Variants in RAD51B observed in about 807,000 individuals in gnomAD.
RAD51B encodes RAD51 paralog B.
Under a neutral mutation model 42.2 loss-of-function variants are expected in RAD51B, and 38 were observed. The observed-to-expected ratio is 0.90, with a 90% CI of 0.70 to 1.18. RAD51B has a LOEUF of 1.18. Ranked by LOEUF, RAD51B falls within the 50% of genes most tolerant of loss-of-function variation. RAD51B has a pLI of 0.00. For synonymous variants in RAD51B, 154 were observed against 145.2 expected, an observed-to-expected ratio of 1.06 and a Z score of -0.43; for missense variants, 373 against 400.7, an observed-to-expected ratio of 0.93 and a Z score of 0.59.
intron 10 of RAD51B, chr14:68,540,864 T>C (rs1887926159): frequency 1.0e-6 from 1 of 985,294 alleles, no homozygotes; most frequent in Non-Finnish European, 1.2e-6. Flanking sequence ...GGAATAAAGA[T>C]TCCATGTAGG....
chr14:68,416,612 C>A (rs1261566417), intron 9 of RAD51B, among the ~76,000 whole-genome samples: 1 of 152,206 alleles, frequency 6.6e-6, no homozygotes, highest in African/African-American at 2.4e-5. Flanking sequence ...TTAACCATTC[C>A]TTTAAAATGT....
At chr14:68,633,080 A>G (rs929788134) in intron 10 of RAD51B, among the ~76,000 whole-genome samples, 1 of 133,610 alleles carries the variant, frequency 7.5e-6, no homozygotes, top group Non-Finnish European at 1.5e-5. Flanking sequence ...TGGCCTCCCA[A>G]AGTGCTGAAG....
At chr14:68,389,550 C>G (rs925842039) in intron 8 of RAD51B, among the ~76,000 whole-genome samples, 6 of 152,150 alleles carry the variant, frequency 3.9e-5, no homozygotes, top group Non-Finnish European at 5.9e-5. Context: ...AGCCACTTTT[C>G]TATGTATATA....
intron 7 of RAD51B, among the ~76,000 whole-genome samples, chr14:68,095,529 A>G (rs143725333): frequency 1.3e-5 from 2 of 151,986 alleles, no homozygotes; most frequent in South Asian, 2.1e-4. Context: ...AATTTCATGT[A>G]TACTGTTTTT....
chr14:68,251,355 A>G (rs947547522), intron 7 of RAD51B, among the ~76,000 whole-genome samples: 1 of 152,194 alleles, frequency 6.6e-6, no homozygotes, highest in Non-Finnish European at 1.5e-5. Flanking sequence ...TCTTAAAAGC[A>G]GGAGGTGAAA....
intron 10 of RAD51B, among the ~76,000 whole-genome samples, chr14:68,571,309 A>G (rs1201053285): frequency 6.6e-6 from 1 of 152,194 alleles, no homozygotes; most frequent in Non-Finnish European, 1.5e-5. Flanking sequence ...GTACAAATCA[A>G]TTACCTGTAT....
At chr14:68,342,289 A>G (rs1358014381) in intron 8 of RAD51B, among the ~76,000 whole-genome samples, 1 of 152,226 alleles carries the variant, frequency 6.6e-6, no homozygotes, top group African/African-American at 2.4e-5. Context: ...TAGGAAAGAA[A>G]AAAAATTTAC....
At chr14:68,504,614 T>C (rs1885153638) in intron 10 of RAD51B, among the ~76,000 whole-genome samples, 1 of 149,380 alleles carries the variant, frequency 6.7e-6, no homozygotes, top group Non-Finnish European at 1.5e-5. Context: ...CAGCTAGAGA[T>C]GGGAAAGGAA....
At chr14:68,493,198 GAGTTAGCTGC>G (rs1445350555) in intron 10 of RAD51B, among the ~76,000 whole-genome samples, 1 of 152,178 alleles carries the variant, frequency 6.6e-6, no homozygotes, top group East Asian at 1.9e-4. Context: ...AATGACCCCA[GAGTTAGCTGC>G]AGTTCATCTT....
intron 4 of RAD51B, among the ~76,000 whole-genome samples, chr14:67,854,689 G>A (rs2041929995): frequency 1.3e-5 from 2 of 151,672 alleles, no homozygotes; most frequent in Admixed American, 1.3e-4. Flanking sequence ...TCAGCTAGGT[G>A]TGGTGGCTCA....
intron 8 of RAD51B, among the ~76,000 whole-genome samples, chr14:68,410,663 G>A (rs542707053): frequency 9.8e-5 from 15 of 152,310 alleles, no homozygotes; most frequent in Admixed American, 3.3e-4. Flanking sequence ...TGGCTTCTAT[G>A]CAGCAGGACT....
At chr14:68,606,512 CT>C (rs1239879151) in intron 10 of RAD51B, among the ~76,000 whole-genome samples, 1 of 152,132 alleles carries the variant, frequency 6.6e-6, no homozygotes, top group Non-Finnish European at 1.5e-5. Flanking sequence ...ATTATGTTGA[CT>C]TTTTTTCCTC....
At chr14:68,426,656 G>A (rs568077164) in intron 9 of RAD51B, among the ~76,000 whole-genome samples, 1 of 152,228 alleles carries the variant, frequency 6.6e-6, no homozygotes, top group Non-Finnish European at 1.5e-5. Context: ...TAATTAAAAG[G>A]GATCTGAAGG....
chr14:68,000,845 A>G (rs1488688542), intron 7 of RAD51B, among the ~76,000 whole-genome samples: 1 of 152,164 alleles, frequency 6.6e-6, no homozygotes. Flanking sequence ...GTCTCTGAGA[A>G]CCATTATTTG....
At chr14:68,292,007 A>C in intron 8 of RAD51B, 27 bp downstream of exon 8, 1 of 1,568,706 alleles carries the variant, frequency 6.4e-7, no homozygotes, top group African/African-American at 1.4e-5. Context: ...GGAGAGGCTG[A>C]AACTTGACAC....
chr14:68,429,437 G>A (rs1261353184), intron 9 of RAD51B, among the ~76,000 whole-genome samples: 1 of 152,110 alleles, frequency 6.6e-6, no homozygotes, highest in African/African-American at 2.4e-5. Flanking sequence ...ACTTTTTAAT[G>A]ATCGCCATTC....
chr14:67,934,052 G>T lies in RAD51B; in HGVS notation c.756+46848G>T, dbSNP rs371382741. ...TTGGTTGTAGATGTGAAAGGAAATG[G>T]GTTCATTGTATCTGATGCTGCCGTT... On this transcript the variant is annotated intron_variant, in intron 7 of 10. Coordinates refer to ENST00000471583, the MANE Select transcript of RAD51B (RefSeq NM_133510.4). Among the ~76,000 whole-genome samples the T allele has an allele frequency of 4.6e-5, 7 of 152,154 alleles. No homozygotes were observed. The East Asian group carries it at 9.6e-4, about 21-fold the overall frequency.
At chr14:68,282,841 C>T (rs934598219) in intron 7 of RAD51B, among the ~76,000 whole-genome samples, 2 of 152,176 alleles carry the variant, frequency 1.3e-5, no homozygotes, top group Non-Finnish European at 2.9e-5. Flanking sequence ...CACAGAAATA[C>T]AAGCAGTAAG....
chr14:68,354,102 GA>G (rs1279195313), intron 8 of RAD51B, among the ~76,000 whole-genome samples: 2 of 151,940 alleles, frequency 1.3e-5, no homozygotes, highest in African/African-American at 4.8e-5. Context: ...AAGAACATTA[GA>G]AAAAGGAGCT....
Sources: allele counts gnomAD v4.1 joint callset (sites outside exome capture counted in the v4.1 genomes callset), GRCh38; gene constraint gnomAD v4.1.1; transcripts MANE v1.5; gene names NCBI Gene and HGNC (gene_info 2026-07-23, HGNC 2026-07-21).